MOGAT1: variants seen among roughly 807,000 people sequenced by gnomAD.
MOGAT1 encodes the protein monoacylglycerol O-acyltransferase 1.
MOGAT1 carries 32 observed loss-of-function variants against 31.4 expected under a neutral mutation model. That is an observed-to-expected ratio of 1.02 (90% CI 0.77 to 1.37). The LOEUF is 1.37. Ranked by LOEUF, MOGAT1 falls within the 40% of genes most tolerant of loss-of-function variation. MOGAT1 has a pLI of 0.00. For missense variants in MOGAT1, 426 were observed against 402.0 expected (o/e 1.06, Z -0.51); for synonymous variants, 145 against 144.5 (o/e 1.00, Z -0.03).
chr2:222,677,919 C>T, intron 1 of MOGAT1: 1 of 271,032 alleles, frequency 3.7e-6, no homozygotes, highest in South Asian at 5.1e-5. Flanking sequence ...CAAATAAAAT[C>T]ATTGGAAACT....
At chr2:222,703,263 C>G (rs933728162) in intron 5 of MOGAT1, among the ~76,000 whole-genome samples, 1 of 152,174 alleles carries the variant, frequency 6.6e-6, no homozygotes, top group Non-Finnish European at 1.5e-5. Context: ...TGGCCTGTCT[C>G]CACATCTCTG....
At chr2:222,701,182 C>G (rs1692911897) in intron 5 of MOGAT1, among the ~76,000 whole-genome samples, 1 of 151,854 alleles carries the variant, frequency 6.6e-6, no homozygotes, top group East Asian at 1.9e-4. Flanking sequence ...ATCACTTGAA[C>G]CTGGGAGGTA....
chr2:222,696,664 A>G (rs1170626701), intron 5 of MOGAT1, among the ~76,000 whole-genome samples: 1 of 151,992 alleles, frequency 6.6e-6, no homozygotes, highest in African/African-American at 2.4e-5. Flanking sequence ...CTGACTCTTA[A>G]TTAGACTCAT....
intron 3 of MOGAT1, among the ~76,000 whole-genome samples, chr2:222,690,020 T>G (rs922034517): frequency 6.6e-6 from 1 of 152,066 alleles, no homozygotes; most frequent in African/African-American, 2.4e-5. Context: ...TTTAGGAGAC[T>G]GAGGCGGGCA....
chr2:222,689,502 C>A, intron 3 of MOGAT1, 33 bp downstream of exon 3: 1 of 1,584,182 alleles, frequency 6.3e-7, no homozygotes, highest in Non-Finnish European at 8.7e-7. Context: ...TTCCACAGTG[C>A]TTTGGGGTAG....
chr2:222,694,489 G>A lies in MOGAT1; in HGVS notation c.606G>A (p.Leu202=), dbSNP rs1461867119. 2 of 1,613,800 alleles carry A rather than the reference G, an allele frequency of 1.2e-6. No individual in the cohort carries two copies. Among genetic ancestry groups the A allele is most frequent in the African/African-American group, 1.3e-5 (1 of 74,932 alleles). ...ATGCTCATCCTGGAAAGTTCACTCT[G>A]TTCATCCGCCAGCGGAAAGGATTTG... ...SLDAHPGKFT[L]FIRQRKGFVK... is the part of the protein sequence containing the mutation. The change falls in exon 4 of 6, where the codon CTG becomes CTA. Residue 202 remains leucine, a synonymous_variant. Transcript: ENST00000446656.
intron 5 of MOGAT1, among the ~76,000 whole-genome samples, chr2:222,703,094 G>A (rs1692949864): frequency 6.6e-6 from 1 of 152,060 alleles, no homozygotes. Context: ...GCAAGTATGT[G>A]GGAACCCCCA....
chr2:222,672,888 G>GTTTATT (rs1553560991), intron 1 of MOGAT1, among the ~76,000 whole-genome samples: 19 of 64,524 alleles, frequency 2.9e-4, no homozygotes, highest in Admixed American at 3.6e-4. Context: ...CCTGGAATTT[G>GTTTATT]TTTATTATTA....
intron 1 of MOGAT1, among the ~76,000 whole-genome samples, chr2:222,675,083 T>A (rs1039348191): frequency 1.3e-5 from 2 of 152,270 alleles, no homozygotes; most frequent in African/African-American, 4.8e-5. Flanking sequence ...TGTTTTCTTG[T>A]CAGTGAAACC....
Position 222,689,313 on chromosome 2 carries a change from T to C in MOGAT1, c.322T>C (p.Phe108Leu), listed in dbSNP as rs765990639. Residue 108 changes from phenylalanine (F) to leucine (L), a missense_variant, in exon 3 of 6, where the codon TTT becomes CTT. Coordinates refer to ENST00000446656, the MANE Select transcript of MOGAT1 (RefSeq NM_058165.3). The part of the protein sequence containing the change: ...LDPSHNYIFG[F>L]HPHGIMAVGA... ...TCCAAGTCACAACTATATATTTGGG[T>C]TTCACCCCCATGGAATAATGGCAGT... 9 of 1,613,880 alleles carry C rather than the reference T, an allele frequency of 5.6e-6. No homozygotes were observed. In the African/African-American group the frequency reaches 1.2e-4, roughly 22 times the overall value.
intron 2 of MOGAT1, 120 bp downstream of exon 2, chr2:222,688,642 C>A (rs1433580927): frequency 2.8e-6 from 2 of 718,154 alleles, no homozygotes; most frequent in East Asian, 5.7e-5. Flanking sequence ...TTTTGTGCTG[C>A]TGTAACAGAA....
At chr2:222,693,448 GTT>G (rs11331017) in intron 3 of MOGAT1, among the ~76,000 whole-genome samples, 4,945 of 116,148 alleles carry the variant, frequency 0.043, 226 homozygotes, top group African/African-American at 0.12. Flanking sequence ...CAAATGTCTT[GTT>G]TTTTTTTTTT....
Position 222,694,362 on chromosome 2 carries a change from G to T in MOGAT1, c.479G>T (p.Gly160Val). 1 of 1,605,276 alleles carries T rather than the reference G, an allele frequency of 6.2e-7. No homozygotes were observed. The highest frequency in any genetic ancestry group is 8.5e-7 in the Non-Finnish European group (1 of 1,176,058). ...PVFREYVMSVGLVSVSKKSVS... is the reference protein window; with the variant it reads ...PVFREYVMSVVLVSVSKKSVS... ...GTTACTTTTTGTTTTATTCACTAAG[G>T]GCTGGTTTCAGTTTCCAAGAAAAGT... The change falls in exon 4 of 6, where the codon GGG (glycine) becomes GTG (valine). Residue 160 changes from glycine (G) to valine (V), a missense_variant and splice_region_variant. Physicochemically the swap from Gly to Val is moderately radical, Grantham distance 109. Transcript: ENST00000446656.
At chr2:222,691,146 T>C (rs1454508536) in intron 3 of MOGAT1, among the ~76,000 whole-genome samples, 2 of 152,158 alleles carry the variant, frequency 1.3e-5, no homozygotes, top group African/African-American at 4.8e-5. Flanking sequence ...GAGTTGGCTT[T>C]GGAGAGGAAA....
intron 4 of MOGAT1, 30 bp downstream of exon 4, chr2:222,694,566 T>C: frequency 6.2e-7 from 1 of 1,600,032 alleles, no homozygotes; most frequent in Non-Finnish European, 8.5e-7. Flanking sequence ...AAGTAGGGGG[T>C]CAGAAAAGTT....
intron 2 of MOGAT1, 111 bp from the exon 3 acceptor site, chr2:222,689,154 G>T: frequency 1.0e-6 from 1 of 957,896 alleles, no homozygotes. Flanking sequence ...GAACAAAAAT[G>T]AGTCATGTTC....
intron 5 of MOGAT1, among the ~76,000 whole-genome samples, chr2:222,699,903 A>T (rs1692895411): frequency 6.6e-6 from 1 of 152,228 alleles, no homozygotes; most frequent in Non-Finnish European, 1.5e-5. Context: ...AATGGATTTC[A>T]TATGACATTA....
At chr2:222,686,106 G>C (rs143825827) in intron 1 of MOGAT1, among the ~76,000 whole-genome samples, 2 of 152,302 alleles carry the variant, frequency 1.3e-5, no homozygotes, top group African/African-American at 4.8e-5. Context: ...AAGGAAAACA[G>C]AACCTCCCAC....
At chr2:222,690,359 AG>A (rs1692738412) in intron 3 of MOGAT1, among the ~76,000 whole-genome samples, 1 of 152,166 alleles carries the variant, frequency 6.6e-6, no homozygotes, top group Non-Finnish European at 1.5e-5. Context: ...CAGGAGTTCG[AG>A]ACCAGCCTTG....
Sources: allele counts gnomAD v4.1 joint callset (sites outside exome capture counted in the v4.1 genomes callset), GRCh38; gene constraint gnomAD v4.1.1; transcripts MANE v1.5; gene names NCBI Gene and HGNC (gene_info 2026-07-23, HGNC 2026-07-21).